UBE3C: variants seen among roughly 807,000 people sequenced by gnomAD.
UBE3C encodes the protein ubiquitin protein ligase E3C, also known as ubiquitin-protein ligase E3C.
In UBE3C, 42 loss-of-function variants were observed where a neutral mutation model predicts 129.4. The ratio of observed to expected loss-of-function variants is 0.32; its 90% CI spans 0.25 to 0.42. UBE3C has a LOEUF of 0.42. UBE3C is among the 10% of genes least tolerant of loss of function. The pLI is 1.00. For synonymous variants in UBE3C, 510 were observed against 492.4 expected, an observed-to-expected ratio of 1.04 and a Z score of -0.47; for missense variants, 1,049 against 1,319.1, an observed-to-expected ratio of 0.80 and a Z score of 3.17.
chr7:157,157,148 C>G (rs1807932172), intron 1 of UBE3C, among the ~76,000 whole-genome samples: 1 of 152,142 alleles, frequency 6.6e-6, no homozygotes, highest in Non-Finnish European at 1.5e-5. Flanking sequence ...TTTCAGCATA[C>G]TATTAAAAAT....
chr7:157,239,994 T>C (rs1383003783), intron 18 of UBE3C, among the ~76,000 whole-genome samples: 3 of 152,202 alleles, frequency 2.0e-5, no homozygotes, highest in Non-Finnish European at 2.9e-5. Flanking sequence ...GGGGATCTAT[T>C]AAAAATGCAA....
chr7:157,196,142 A>G (rs1809114109), intron 10 of UBE3C, among the ~76,000 whole-genome samples: 1 of 152,168 alleles, frequency 6.6e-6, no homozygotes. Context: ...CTGGTTTTTA[A>G]GATAGAAGGC....
At chr7:157,244,194 A>G (rs777941523) in intron 18 of UBE3C, among the ~76,000 whole-genome samples, 1 of 152,112 alleles carries the variant, frequency 6.6e-6, no homozygotes, top group East Asian at 1.9e-4. Context: ...CGTGCCATTC[A>G]TTGCGCTCCA....
intron 13 of UBE3C, among the ~76,000 whole-genome samples, chr7:157,215,322 G>A (rs62493426): frequency 0.1 from 15,447 of 151,906 alleles, 891 homozygotes; most frequent in African/African-American, 0.14. Flanking sequence ...ATCCCTGCAT[G>A]CCTTGGATTT....
intron 1 of UBE3C, chr7:157,140,140 C>A: frequency 1.9e-6 from 1 of 533,772 alleles, no homozygotes; most frequent in Non-Finnish European, 2.4e-6. Context: ...TCGTTGAACA[C>A]TGTGTGGTCT....
intron 10 of UBE3C, chr7:157,197,674 C>G (rs1237742758): frequency 1.2e-6 from 2 of 1,609,924 alleles, no homozygotes; most frequent in African/African-American, 2.7e-5. Context: ...TCTGTTAGCT[C>G]TTTATTCGGA....
chr7:157,252,701 G>A (rs12112812), intron 19 of UBE3C, among the ~76,000 whole-genome samples: 4,581 of 152,352 alleles, frequency 0.03, 241 homozygotes, highest in African/African-American at 0.11. Flanking sequence ...CAGTGCCATT[G>A]CCCAGAGGCA....
chr7:157,169,937 G>A (rs1013423670), intron 3 of UBE3C, among the ~76,000 whole-genome samples: 3 of 152,076 alleles, frequency 2.0e-5, no homozygotes, highest in Non-Finnish European at 4.4e-5. Flanking sequence ...ACCCACCTCG[G>A]CCTCTCAAAG....
At chr7:157,187,051 G>C in intron 10 of UBE3C, 30 bp downstream of exon 10, 1 of 1,557,210 alleles carries the variant, frequency 6.4e-7, no homozygotes. Context: ...TGTGCCAGGG[G>C]GTGCCAGCCA....
chr7:157,255,566 C>G (rs1347572592), intron 21 of UBE3C, among the ~76,000 whole-genome samples: 2 of 152,148 alleles, frequency 1.3e-5, no homozygotes, highest in Admixed American at 6.5e-5. Flanking sequence ...CTGACCTTTC[C>G]TTTGCCAAGA....
In UBE3C at chr7:157,248,903, G is replaced by A. The variant is rs527787299; in HGVS notation, c.2694+323G>A. 6.6e-5 allele frequency among the ~76,000 whole-genome samples: 10 copies of A among 152,234 alleles called. No individual in the cohort carries two copies. In the South Asian group the frequency reaches 1.2e-3, roughly 19 times the overall value. The stretch of plus-strand genomic sequence containing the variant: ...GGGGGTGGCCGTTCAGCAGCTTCCC[G>A]GCAGGACCCCTTGCTTAGTCCTCAC... On this transcript the variant is annotated intron_variant, in intron 19 of 22. Transcript: ENST00000348165.
chr7:157,217,285 T>A (rs1181586180), intron 14 of UBE3C: 2 of 194,160 alleles, frequency 1.0e-5, no homozygotes, highest in Middle Eastern at 2.1e-3. Context: ...ATATGTCTAG[T>A]ATTTAAAAGA....
chr7:157,211,169 A>AGAGAGAGAGAGAGAGAGAGAGG (rs1809583148), intron 13 of UBE3C, among the ~76,000 whole-genome samples: 1 of 149,238 alleles, frequency 6.7e-6, no homozygotes, highest in Non-Finnish European at 1.5e-5. Context: ...ATATGTCTGG[A>AGAGAGAGAGAGAGAGAGAGAGG]GAGAGAGAGA....
chr7:157,185,794 A>G (rs997004128), intron 9 of UBE3C, among the ~76,000 whole-genome samples: 2 of 152,128 alleles, frequency 1.3e-5, no homozygotes, highest in Non-Finnish European at 1.5e-5. Flanking sequence ...ATTCTGATGT[A>G]CTTTTGTTAG....
At chr7:157,198,998 G>A (rs569437428) in intron 10 of UBE3C, among the ~76,000 whole-genome samples, 1 of 152,274 alleles carries the variant, frequency 6.6e-6, no homozygotes, top group South Asian at 2.1e-4. Flanking sequence ...ATGGAAAGAT[G>A]TTAATTATAA....
Position 157,184,112 on chromosome 7 carries a change from C to G in UBE3C, c.1143+83C>G. 2.6e-6 allele frequency: 4 copies of G among 1,548,508 alleles called. No homozygotes were observed. The South Asian group carries it at 4.8e-5, about 18-fold the overall frequency. On this transcript the variant is annotated intron_variant, in intron 9 of 22. Coordinates refer to ENST00000348165, the MANE Select transcript of UBE3C (RefSeq NM_014671.3). ...CTAGCTTTCTGTCCACCCGTAGTTTCAGTTACACAAGTCAGACCCTCAAGC... is the reference window on the plus strand; with the variant it reads ...CTAGCTTTCTGTCCACCCGTAGTTTGAGTTACACAAGTCAGACCCTCAAGC...
chr7:157,192,621 A>ATT, intron 10 of UBE3C: 1 of 765,186 alleles, frequency 1.3e-6, no homozygotes, highest in South Asian at 1.3e-5. Flanking sequence ...GTCTTACCCC[A>ATT]CTCCCAAGAA....
rs779838310 is a variant in UBE3C at position 157,207,943 on chromosome 7, GTA to G, written c.1809+12_1809+13del. 6.9e-7 allele frequency: 1 copy of G among 1,458,860 alleles called. No individual in the cohort carries two copies. The highest frequency in any genetic ancestry group is 9.0e-7 in the Non-Finnish European group (1 of 1,105,010). The allele number at this position is 1,458,860 out of a possible 1,614,324, so 90.4% of individuals were successfully genotyped here. Reference sequence around the variant, plus strand: ...TGGATTCAGTTATTTAAGGTATAGAGTATATGTATTTTTTTGTTTACTGACAT... The same window carrying G: ...TGGATTCAGTTATTTAAGGTATAGAGTATGTATTTTTTTGTTTACTGACAT... On this transcript the variant is annotated intron_variant, in intron 13 of 22. Coordinates refer to ENST00000348165, the MANE Select transcript of UBE3C (RefSeq NM_014671.3).
At chr7:157,228,824 G>T (rs776603072) in intron 17 of UBE3C, among the ~76,000 whole-genome samples, 1 of 152,192 alleles carries the variant, frequency 6.6e-6, no homozygotes, top group Non-Finnish European at 1.5e-5. Flanking sequence ...AATTGTATTT[G>T]CCCTATTTGA....
Sources: allele counts gnomAD v4.1 joint callset (sites outside exome capture counted in the v4.1 genomes callset), GRCh38; gene constraint gnomAD v4.1.1; transcripts MANE v1.5; gene names NCBI Gene and HGNC (gene_info 2026-07-23, HGNC 2026-07-21).